NPAS3: variants seen among roughly 807,000 people sequenced by gnomAD.
The protein encoded by NPAS3 is neuronal PAS domain-containing protein 3.
A neutral mutation model predicts 73.1 loss-of-function variants in NPAS3; 14 were observed. That is an observed-to-expected ratio of 0.19 (90% confidence interval 0.13 to 0.30). The LOEUF (loss-of-function observed/expected upper bound fraction) is 0.30, where lower values mean the gene tolerates loss of function less well. Ranked by LOEUF, NPAS3 falls within the 10% of genes least tolerant of loss-of-function variation. NPAS3 has a pLI of 1.00. For synonymous variants in NPAS3, 620 were observed against 541.5 expected (o/e 1.14, Z -2.01); for missense variants, 1,096 against 1,250.0 (o/e 0.88, Z 1.86).
chr14:33,239,763 A>G (rs1364536324), intron 3 of NPAS3, among the ~76,000 whole-genome samples: 1 of 151,950 alleles, frequency 6.6e-6, no homozygotes, highest in African/African-American at 2.4e-5. Context: ...CATGTACAGA[A>G]GTGTCACCTT....
chr14:33,772,938 C>T (rs1432429457), intron 7 of NPAS3, among the ~76,000 whole-genome samples: 1 of 152,192 alleles, frequency 6.6e-6, no homozygotes, highest in Non-Finnish European at 1.5e-5. Context: ...TCCAGATCCA[C>T]AGCTGTGGGC....
intron 3 of NPAS3, among the ~76,000 whole-genome samples, chr14:33,222,603 C>T (rs2047473888): frequency 6.6e-6 from 1 of 152,208 alleles, no homozygotes; most frequent in African/African-American, 2.4e-5. Flanking sequence ...TCTTTACATG[C>T]CTGTCTCTGT....
intron 4 of NPAS3, among the ~76,000 whole-genome samples, chr14:33,400,350 G>T (rs1199703253): frequency 6.6e-6 from 1 of 152,098 alleles, no homozygotes; most frequent in South Asian, 2.1e-4. Flanking sequence ...CTGCAAGTGT[G>T]GAAATTTTGC....
At chr14:33,267,960 C>T (rs1463798857) in intron 3 of NPAS3, among the ~76,000 whole-genome samples, 1 of 152,174 alleles carries the variant, frequency 6.6e-6, no homozygotes, top group Non-Finnish European at 1.5e-5. Flanking sequence ...GTCCATACAA[C>T]AAGTTTCATT....
intron 2 of NPAS3, among the ~76,000 whole-genome samples, chr14:33,079,762 C>T (rs562621178): frequency 7.3e-5 from 11 of 151,356 alleles, no homozygotes; most frequent in African/African-American, 2.4e-4. Context: ...CAGGTGTGTA[C>T]CACCACGCCT....
intron 2 of NPAS3, among the ~76,000 whole-genome samples, chr14:33,124,825 A>G (rs1443685124): frequency 6.6e-6 from 1 of 152,142 alleles, no homozygotes; most frequent in Non-Finnish European, 1.5e-5. Context: ...AATTTTGGAA[A>G]GGAAAAGGTG....
intron 1 of NPAS3, among the ~76,000 whole-genome samples, chr14:32,992,624 A>G (rs1391941638): frequency 6.6e-6 from 1 of 152,184 alleles, no homozygotes; most frequent in Non-Finnish European, 1.5e-5. Flanking sequence ...ATCAGGGAGT[A>G]TAGTGACCAT....
intron 5 of NPAS3, among the ~76,000 whole-genome samples, chr14:33,651,752 G>T (rs990583246): frequency 2.6e-5 from 4 of 152,086 alleles, no homozygotes; most frequent in Non-Finnish European, 4.4e-5. Flanking sequence ...CCTGATAGAC[G>T]TAAATGCTCA....
intron 4 of NPAS3, among the ~76,000 whole-genome samples, chr14:33,421,150 T>C (rs2048344597): frequency 1.3e-5 from 2 of 152,032 alleles, no homozygotes; most frequent in Non-Finnish European, 2.9e-5. Context: ...GATTTGTATG[T>C]GTATATAATC....
At chr14:33,575,030 G>A (rs1056137780) in intron 5 of NPAS3, among the ~76,000 whole-genome samples, 1 of 152,182 alleles carries the variant, frequency 6.6e-6, no homozygotes, top group African/African-American at 2.4e-5. Flanking sequence ...GCTCAAAGCA[G>A]GAAAGGCCAG....
At chr14:33,612,355 A>T in intron 5 of NPAS3, 1 of 454,272 alleles carries the variant, frequency 2.2e-6, no homozygotes. Flanking sequence ...CATCGCCCAC[A>T]TTCTGCTTCC....
At chr14:33,255,610 GCTCT>G (rs2048750397) in intron 3 of NPAS3, among the ~76,000 whole-genome samples, 1 of 152,096 alleles carries the variant, frequency 6.6e-6, no homozygotes, top group African/African-American at 2.4e-5. Context: ...ACTTTGGCCA[GCTCT>G]CTCATCCAAT....
chr14:33,227,382 C>T (rs1251554013), intron 3 of NPAS3, among the ~76,000 whole-genome samples: 1 of 152,074 alleles, frequency 6.6e-6, no homozygotes, highest in Non-Finnish European at 1.5e-5. Context: ...AATACTTTTA[C>T]TGAGATTAGA....
intron 2 of NPAS3, among the ~76,000 whole-genome samples, chr14:33,133,340 A>G (rs2043710700): frequency 6.6e-6 from 1 of 152,216 alleles, no homozygotes. Context: ...TATATGAGAC[A>G]TGAAACTTGA....
intron 6 of NPAS3, among the ~76,000 whole-genome samples, chr14:33,684,430 G>T (rs1232789351): frequency 6.6e-6 from 1 of 152,070 alleles, no homozygotes; most frequent in African/African-American, 2.4e-5. Flanking sequence ...TCCTGCCTCA[G>T]CCTTCCAAGT....
At chr14:33,369,835 G>A (rs905461295) in intron 4 of NPAS3, among the ~76,000 whole-genome samples, 7 of 152,266 alleles carry the variant, frequency 4.6e-5, no homozygotes, top group African/African-American at 1.7e-4. Flanking sequence ...AACTAGCAGG[G>A]AAACTTTTGA....
chr14:33,800,105 C>G lies in NPAS3; in HGVS notation c.1798C>G (p.Arg600Gly), dbSNP rs1188143742. 2.5e-6 allele frequency: 4 copies of G among 1,587,084 alleles called. No individual in the cohort carries two copies. Among genetic ancestry groups the G allele is most frequent in the Non-Finnish European group, 3.4e-6 (4 of 1,169,822 alleles). The change falls in exon 12 of 12, where the codon CGC becomes GGC. Residue 600 changes from arginine to glycine, a missense_variant. Physicochemically the swap from Arg to Gly is moderately radical, Grantham distance 125. This residue lies in a region of NPAS3 where 698 missense variants were observed against 676.7 expected (regional missense o/e 1.03). Transcript: ENST00000356141. The surrounding 1 kb of genome is among the most constrained non-coding windows in gnomAD (Gnocchi z 6.5). ...GCAGGCCTCCAGCAAGCACCAGAAGCGCAAGAAAAGGCGGAAACGGCAAAA... is the reference window on the plus strand; with the variant it reads ...GCAGGCCTCCAGCAAGCACCAGAAGGGCAAGAAAAGGCGGAAACGGCAAAA...
At chr14:33,512,293 G>A (rs2053091736) in intron 4 of NPAS3, among the ~76,000 whole-genome samples, 2 of 151,476 alleles carry the variant, frequency 1.3e-5, no homozygotes, top group Admixed American at 1.3e-4. Context: ...CGCCCATTGA[G>A]GTCAGCATAG....
intron 3 of NPAS3, among the ~76,000 whole-genome samples, chr14:33,318,438 C>T (rs1203152267): frequency 6.6e-6 from 1 of 152,072 alleles, no homozygotes; most frequent in South Asian, 2.1e-4. Context: ...TGTGAGTTTA[C>T]TTAACATTAC....
Sources: gnomAD v4.1 joint callset for allele counts (sites outside exome capture counted in the v4.1 genomes callset) on GRCh38, gnomAD v4.1.1 for gene constraint, gnomAD v4.1.1 regional missense constraint, Gnocchi (gnomAD v3.1) non-coding constraint, MANE v1.5 for transcripts, NCBI Gene and HGNC (gene_info 2026-07-23, HGNC 2026-07-21) for gene names.